PHLPP1: variants seen among roughly 807,000 people sequenced by gnomAD.
The protein encoded by PHLPP1 is PH domain leucine-rich repeat-containing protein phosphatase 1.
Under a neutral mutation model 117.2 loss-of-function variants are expected in PHLPP1, and 42 were observed. The ratio of observed to expected loss-of-function variants is 0.36; its 90% CI spans 0.28 to 0.46. PHLPP1 has a LOEUF of 0.46. Among genes scored for constraint, PHLPP1 ranks in the 20% least tolerant of loss-of-function variants. PHLPP1 has a pLI of 1.00. For synonymous variants in PHLPP1, 1,042 were observed against 970.7 expected, an observed-to-expected ratio of 1.07 and a Z score of -1.37; for missense variants, 2,084 against 2,241.9, an observed-to-expected ratio of 0.93 and a Z score of 1.42.
At chr18:62,860,871 A>C (rs1341106139) in intron 4 of PHLPP1, among the ~76,000 whole-genome samples, 1 of 152,208 alleles carries the variant, frequency 6.6e-6, no homozygotes, top group Admixed American at 6.5e-5. Flanking sequence ...AACAACTTTT[A>C]TTCCTATCTA....
chr18:62,894,880 T>A (rs1426929227), intron 4 of PHLPP1, 131 bp from the exon 5 acceptor site: 1 of 688,978 alleles, frequency 1.5e-6, no homozygotes, highest in East Asian at 2.7e-5. Context: ...CTCCTTAACC[T>A]CTCTGGGGCC....
chr18:62,814,256 T>A (rs1203451390), intron 1 of PHLPP1, among the ~76,000 whole-genome samples: 1 of 152,164 alleles, frequency 6.6e-6, no homozygotes. Flanking sequence ...AAATTAACCC[T>A]CCCAAATCTA....
At chr18:62,784,691 A>G (rs1323693130) in intron 1 of PHLPP1, among the ~76,000 whole-genome samples, 2 of 152,246 alleles carry the variant, frequency 1.3e-5, no homozygotes, top group African/African-American at 4.8e-5. Flanking sequence ...CTATTTGGTC[A>G]TTTCATTTAG....
intron 1 of PHLPP1, among the ~76,000 whole-genome samples, 183 bp from the exon 2 acceptor site, chr18:62,829,852 G>A (rs530898523): frequency 1.1e-4 from 16 of 152,322 alleles, no homozygotes; most frequent in Admixed American, 3.9e-4. Flanking sequence ...ACGTGTACAT[G>A]TGGAGATGTA....
chr18:62,825,838 A>T (rs1484471104), intron 1 of PHLPP1, among the ~76,000 whole-genome samples: 1 of 152,198 alleles, frequency 6.6e-6, no homozygotes, highest in Non-Finnish European at 1.5e-5. Flanking sequence ...GTCTATCAAG[A>T]TAAATATTAT....
chr18:62,860,661 T>C, intron 4 of PHLPP1, 60 bp downstream of exon 4: 1 of 1,306,234 alleles, frequency 7.7e-7, no homozygotes, highest in South Asian at 1.3e-5. Flanking sequence ...GAACTTCTGC[T>C]TGTTATCTCT....
At chr18:62,735,584 A>G (rs1489375571) in intron 1 of PHLPP1, among the ~76,000 whole-genome samples, 1 of 152,092 alleles carries the variant, frequency 6.6e-6, no homozygotes, top group African/African-American at 2.4e-5. Context: ...AACAACAACA[A>G]CAACAACAAC....
chr18:62,884,524 G>C (rs1916239172), intron 4 of PHLPP1, among the ~76,000 whole-genome samples: 1 of 152,240 alleles, frequency 6.6e-6, no homozygotes, highest in South Asian at 2.1e-4. Flanking sequence ...AGCCATTAGG[G>C]ATCCTGCTTT....
chr18:62,905,238 G>C lies in PHLPP1; in HGVS notation c.2662G>C (p.Asp888His), dbSNP rs780308126. 4 of 1,540,324 alleles carry C rather than the reference G, an allele frequency of 2.6e-6. No individual in the cohort carries two copies. In the African/African-American group the frequency reaches 5.6e-5, roughly 21 times the overall value. ...TTTCTTCCTAGAACTTGTTCAACTT[G>C]ATGTTTACCCAGTTCCAAATTATCT... is the stretch of plus-strand genomic sequence containing the variant. ...YASSNELVQL[D>H]VYPVPNYLSY... The change falls in exon 8 of 17, where the codon GAT becomes CAT. Residue 888 changes from aspartate to histidine, a missense_variant. Coordinates refer to ENST00000262719, the MANE Select transcript of PHLPP1 (RefSeq NM_194449.4).
chr18:62,755,212 C>T lies in PHLPP1; in HGVS notation c.1576+37953C>T, dbSNP rs74729913. 1.8e-3 allele frequency among the ~76,000 whole-genome samples: 276 copies of T among 151,948 alleles called. 2 individuals are homozygous for T. The highest frequency in any genetic ancestry group is 6.2e-3 in the African/African-American group (257 of 41,314). On this transcript the variant is annotated intron_variant, in intron 1 of 16. Transcript: ENST00000262719. ...ATAATCCTTTCATTCTGTGCAGATA[C>T]GTGAAAGTTGAAAAGCACTTCTGTA...
chr18:62,841,106 T>C (rs766879532), intron 3 of PHLPP1, among the ~76,000 whole-genome samples: 1 of 152,152 alleles, frequency 6.6e-6, no homozygotes, highest in African/African-American at 2.4e-5. Flanking sequence ...CAGGCTGGTT[T>C]TGAACTCCTG....
chr18:62,806,309 G>C (rs1361891599), intron 1 of PHLPP1, among the ~76,000 whole-genome samples: 1 of 152,000 alleles, frequency 6.6e-6, no homozygotes, highest in Non-Finnish European at 1.5e-5. Flanking sequence ...TATTTCTTAT[G>C]GTAATTCCAA....
At chr18:62,777,307 G>A (rs925724102) in intron 1 of PHLPP1, among the ~76,000 whole-genome samples, 1 of 152,052 alleles carries the variant, frequency 6.6e-6, no homozygotes, top group East Asian at 1.9e-4. Context: ...ATGATTTTGA[G>A]CATCTTTCCA....
At chr18:62,895,525 A>T (rs889083864) in intron 5 of PHLPP1, among the ~76,000 whole-genome samples, 1 of 152,236 alleles carries the variant, frequency 6.6e-6, no homozygotes, top group African/African-American at 2.4e-5. Flanking sequence ...TATCACAGTT[A>T]GCTCACATTG....
chr18:62,894,317 T>C (rs1177407698), intron 4 of PHLPP1, among the ~76,000 whole-genome samples: 1 of 152,160 alleles, frequency 6.6e-6, no homozygotes, highest in East Asian at 1.9e-4. Context: ...TGCCTCAGCC[T>C]CCTGAGTAGC....
At chr18:62,752,738 C>T (rs752852916) in intron 1 of PHLPP1, among the ~76,000 whole-genome samples, 2 of 152,156 alleles carry the variant, frequency 1.3e-5, no homozygotes, top group African/African-American at 4.8e-5. Flanking sequence ...AGGTTAGATT[C>T]CACTCTTGTT....
rs368640414 is a variant in PHLPP1, at chr18:62,867,218, C to T, written c.2066+6617C>T. ...TTTTGAATCTTTTGGCTCTTTCTGC[C>T]GTTTTCCTTTCTCTTTCTAAATATT... On this transcript the variant is annotated intron_variant, in intron 4 of 16. Transcript: ENST00000262719. 3.5e-4 allele frequency among the ~76,000 whole-genome samples: 53 copies of T among 152,082 alleles called. 1 individual carries two copies. The highest frequency in any genetic ancestry group is 3.5e-3 in the East Asian group (18 of 5,182).
chr18:62,972,770 C>G, intron 15 of PHLPP1, 62 bp downstream of exon 15: 3 of 1,294,658 alleles, frequency 2.3e-6, no homozygotes, highest in Non-Finnish European at 3.3e-6. Context: ...TGTTTATCCT[C>G]TGTTTAGAAA....
chr18:62,960,058 C>A (rs114223210), intron 13 of PHLPP1, among the ~76,000 whole-genome samples: 135 of 152,244 alleles, frequency 8.9e-4, no homozygotes, highest in African/African-American at 3.0e-3. Flanking sequence ...CAAAATACAT[C>A]ATCTTTAAAC....
Sources: allele counts gnomAD v4.1 joint callset (sites outside exome capture counted in the v4.1 genomes callset), GRCh38; gene constraint gnomAD v4.1.1; transcripts MANE v1.5; gene names NCBI Gene and HGNC (gene_info 2026-07-23, HGNC 2026-07-21).